The following CPM variants were observed in gnomAD, a reference collection of about 807,000 sequenced individuals.
CPM encodes the protein carboxypeptidase M.
Under a neutral mutation model 46.4 loss-of-function variants are expected in CPM, and 35 were observed. The observed-to-expected ratio is 0.75, with a 90% CI of 0.58 to 1.00. CPM has a LOEUF of 1.00. Among genes scored for constraint, CPM ranks in the 50% least tolerant of loss-of-function variants. The pLI is 0.00. For missense variants in CPM, 422 were observed against 530.4 expected (o/e 0.80, Z 2.01); for synonymous variants, 195 against 195.3 (o/e 1.00, Z 0.01).
At chr12:68,885,062 G>A (rs978900636) in intron 3 of CPM, among the ~76,000 whole-genome samples, 3 of 152,156 alleles carry the variant, frequency 2.0e-5, no homozygotes, top group Admixed American at 6.5e-5. Context: ...TCCTGCCTCA[G>A]CCTCCCGACT....
intron 3 of CPM, among the ~76,000 whole-genome samples, chr12:68,873,468 C>T (rs11177399): frequency 0.5 from 76,222 of 151,860 alleles, 19,921 homozygotes; most frequent in Non-Finnish European, 0.58. Context: ...GAGTTTGAGA[C>T]CAGCCTGGGC....
chr12:68,882,830 T>C (rs757573752), intron 3 of CPM, among the ~76,000 whole-genome samples: 1 of 152,236 alleles, frequency 6.6e-6, no homozygotes. Context: ...TAGACACTTT[T>C]TCATATGCTT....
At chr12:68,938,580 G>A (rs1888709136) in intron 1 of CPM, among the ~76,000 whole-genome samples, 1 of 152,048 alleles carries the variant, frequency 6.6e-6, no homozygotes, top group African/African-American at 2.4e-5. Context: ...TCATTTCTTA[G>A]ACATGTAATT....
chr12:68,960,187 A>G (rs1014988094), intron 1 of CPM, among the ~76,000 whole-genome samples: 5 of 152,228 alleles, frequency 3.3e-5, no homozygotes, highest in African/African-American at 1.2e-4. Flanking sequence ...CAAGTGATTC[A>G]TTCTTTGGCT....
chr12:68,931,763 A>AAAAAAGAAAGAAAG (rs1482981614), intron 2 of CPM, among the ~76,000 whole-genome samples: 18 of 132,530 alleles, frequency 1.4e-4, no homozygotes, highest in African/African-American at 4.6e-4. Flanking sequence ...AAAAAAAAAA[A>AAAAAAGAAAGAAAG]AAAGAAAGAA....
chr12:68,935,243 ATTGTTTGTTTGTTTGT>A (rs67250545), upstream of CPM, among the ~76,000 whole-genome samples: 8,874 of 147,988 alleles, frequency 0.06, 782 homozygotes, highest in African/African-American at 0.19. Flanking sequence ...AAGTTGTTTT[ATTGTTTGTTTGTTTGT>A]TTGTTTGTTT....
In CPM at chr12:68,951,435, G is replaced by A. The variant is rs369087989; in HGVS notation, c.-4+11734C>T. Among the ~76,000 whole-genome samples the A allele has an allele frequency of 2.4e-4, 37 of 152,282 alleles. No individual in the cohort carries two copies. In the East Asian group the frequency reaches 5.0e-3, roughly 21 times the overall value. On this transcript the variant is annotated intron_variant, in intron 1 of 8. Coordinates refer to the CPM transcript ENST00000546373. ...TTCCTACAAGGAAAAGAAGGAGTAG[G>A]ATGGGAGGACTAGCTTCATCTTGGT...
intron 2 of CPM, among the ~76,000 whole-genome samples, chr12:68,886,255 T>C (rs1405783450): frequency 6.6e-6 from 1 of 151,882 alleles, no homozygotes; most frequent in Non-Finnish European, 1.5e-5. Flanking sequence ...CACACAATTA[T>C]ATAAAGTTAA....
chr12:68,925,254 A>G lies in CPM; in HGVS notation c.160+7424T>C, dbSNP rs528582406. On this transcript the variant is annotated intron_variant, in intron 2 of 8. Transcript: ENST00000551568. ...GGTATATATATCAAATACTTAAAAC[A>G]GCTTTAGACTTAGTAATTTCCTTTT... Among the ~76,000 whole-genome samples, 5 of 152,340 alleles carry G rather than the reference A, an allele frequency of 3.3e-5. No individual in the cohort carries two copies. In the South Asian group the frequency reaches 1.0e-3, roughly 32 times the overall value.
intron 3 of CPM, among the ~76,000 whole-genome samples, chr12:68,879,749 G>C (rs982279101): frequency 1.3e-5 from 2 of 152,102 alleles, no homozygotes; most frequent in African/African-American, 4.8e-5. Context: ...TACCAACCTA[G>C]AGATTACCCA....
At chr12:68,842,326 G>A (rs977363116) in exon 6 of CPM, 16 of 495,164 alleles carry the variant, frequency 3.2e-5, no homozygotes, top group African/African-American at 1.7e-4. Context: ...GCAAAGGAAC[G>A]CAGCTGGAAG....
chr12:68,939,227 T>A (rs1888723055), intron 1 of CPM, among the ~76,000 whole-genome samples: 1 of 146,918 alleles, frequency 6.8e-6, no homozygotes, highest in South Asian at 2.1e-4. Context: ...TGTCTATACA[T>A]ATAGACATCA....
intron 7 of CPM, among the ~76,000 whole-genome samples, chr12:68,860,287 T>C (rs1271190273): frequency 6.6e-6 from 1 of 152,208 alleles, no homozygotes; most frequent in East Asian, 1.9e-4. Context: ...CTTCGTGTGT[T>C]CCTCTTTGCC....
intron 2 of CPM, among the ~76,000 whole-genome samples, chr12:68,903,278 T>C (rs1034020893): frequency 6.6e-6 from 1 of 152,170 alleles, no homozygotes; most frequent in African/African-American, 2.4e-5. Context: ...TCTCTTTTTT[T>C]CCCCCTTTGG....
chr12:68,905,076 T>C (rs1278800191), intron 2 of CPM, among the ~76,000 whole-genome samples: 1 of 152,002 alleles, frequency 6.6e-6, no homozygotes, highest in African/African-American at 2.4e-5. Context: ...GCCTGGCTAA[T>C]GTTTGCATTT....
At chr12:68,893,575 G>GAGCT (rs1949806417) in intron 2 of CPM, among the ~76,000 whole-genome samples, 1 of 152,218 alleles carries the variant, frequency 6.6e-6, no homozygotes, top group Admixed American at 6.5e-5. Flanking sequence ...AAGTAATGAA[G>GAGCT]GGGCTGGGCT....
intron 2 of CPM, among the ~76,000 whole-genome samples, chr12:68,924,480 G>GA (rs11420676): frequency 0.67 from 97,378 of 145,532 alleles, 32,466 homozygotes; most frequent in South Asian, 0.75. Flanking sequence ...ACTCCATATA[G>GA]AAAAAAAAAA....
At chr12:68,873,083 G>A (rs115549303) in intron 3 of CPM, among the ~76,000 whole-genome samples, 24 of 152,278 alleles carry the variant, frequency 1.6e-4, no homozygotes, top group African/African-American at 5.3e-4. Context: ...TAGGTTCAAG[G>A]AATCTGCTTC....
intron 2 of CPM, among the ~76,000 whole-genome samples, chr12:68,894,534 C>A (rs1886789398): frequency 6.6e-6 from 1 of 152,100 alleles, no homozygotes; most frequent in Non-Finnish European, 1.5e-5. Flanking sequence ...TAGGCACAGC[C>A]CCACCTTATT....
Sources: allele counts gnomAD v4.1 joint callset (sites outside exome capture counted in the v4.1 genomes callset), GRCh38; gene constraint gnomAD v4.1.1; transcripts MANE v1.5; gene names NCBI Gene and HGNC (gene_info 2026-07-23, HGNC 2026-07-21).